MARCHF1: variants seen among roughly 807,000 people sequenced by gnomAD.
The protein encoded by MARCHF1 is E3 ubiquitin-protein ligase MARCHF1.
MARCHF1 carries 40 observed loss-of-function variants against 54.2 expected under a neutral mutation model. That is an observed-to-expected ratio of 0.74 (90% CI 0.57 to 0.96). The LOEUF is 0.96. Ranked by LOEUF, MARCHF1 falls within the 40% of genes least tolerant of loss-of-function variation. The pLI, the probability that MARCHF1 is intolerant of heterozygous loss-of-function variation, is 0.00. For synonymous variants in MARCHF1, 236 were observed against 236.3 expected, an observed-to-expected ratio of 1.00 and a Z score of 0.01; for missense variants, 586 against 656.5, an observed-to-expected ratio of 0.89 and a Z score of 1.17.
chr4:164,215,204 T>C (rs6536805), intron 1 of MARCHF1, among the ~76,000 whole-genome samples: 114,987 of 152,130 alleles, frequency 0.76, 44,114 homozygotes, highest in African/African-American at 0.87. Context: ...GTGGAAGTAG[T>C]TCTCAGCAGA....
At chr4:163,959,189 T>C (rs868776907) in intron 3 of MARCHF1, among the ~76,000 whole-genome samples, 1 of 151,904 alleles carries the variant, frequency 6.6e-6, no homozygotes, top group African/African-American at 2.4e-5. Context: ...AATACAATTA[T>C]GGGTGTTTTA....
rs192985648 is a variant in MARCHF1, at chr4:164,088,443, C to G, written c.-248+23145G>C. ...GGCTCAGAAAGCATCTGTTTAAAAT[C>G]TATAAATCCAATGGCCAGGTGTGGC... On this transcript the variant is annotated intron_variant, in intron 2 of 9. Transcript: ENST00000514618. Among the ~76,000 whole-genome samples, 62 of 152,260 alleles carry G rather than the reference C, an allele frequency of 4.1e-4. No homozygotes were observed. The East Asian group carries it at 7.9e-3, about 19-fold the overall frequency.
rs192170007 is a variant in MARCHF1 at position 163,973,525 on chromosome 4, A to G, written c.-39+14976T>C. 7.9e-5 allele frequency among the ~76,000 whole-genome samples: 12 copies of G among 152,290 alleles called. No individual in the cohort carries two copies. The East Asian group carries it at 2.3e-3, about 29-fold the overall frequency. The stretch of plus-strand genomic sequence containing the variant: ...CTTGCATTATTTTTTAACTCTTCCC[A>G]TTGGCCAAAGCAAGTCACATAGCCA... On this transcript the variant is annotated intron_variant, in intron 3 of 9. Coordinates refer to ENST00000514618, the MANE Select transcript of MARCHF1 (RefSeq NM_001394959.1).
intron 1 of MARCHF1, among the ~76,000 whole-genome samples, chr4:164,170,601 C>A (rs7674052): frequency 0.19 from 28,768 of 151,850 alleles, 4,374 homozygotes; most frequent in African/African-American, 0.41. Context: ...CTCAAAAAGC[C>A]AAGAGTCTGT....
At chr4:164,154,785 C>T (rs1463341689) in intron 1 of MARCHF1, among the ~76,000 whole-genome samples, 2 of 152,168 alleles carry the variant, frequency 1.3e-5, no homozygotes, top group Non-Finnish European at 2.9e-5. Flanking sequence ...TGCCTTTTTG[C>T]AAGGGCAGGG....
chr4:164,311,566 A>G (rs1734850301), intron 1 of MARCHF1, among the ~76,000 whole-genome samples: 1 of 152,192 alleles, frequency 6.6e-6, no homozygotes, highest in African/African-American at 2.4e-5. Flanking sequence ...AAATCTGTGT[A>G]GTTAGTTTCT....
chr4:163,999,744 CTACATATATATGTACATATAAATA>C (rs1444809579), intron 2 of MARCHF1, among the ~76,000 whole-genome samples: 3 of 151,326 alleles, frequency 2.0e-5, no homozygotes, highest in African/African-American at 7.3e-5. Flanking sequence ...AGTAAGCATT[CTACATATATATGTACATATAAATA>C]TACATATATA....
At chr4:163,753,472 C>T (rs779528483) in intron 4 of MARCHF1, among the ~76,000 whole-genome samples, 3 of 152,030 alleles carry the variant, frequency 2.0e-5, no homozygotes, top group Admixed American at 2.0e-4. Context: ...ATCACCACAG[C>T]TCCATTGTCA....
chr4:164,171,258 C>T (rs1047623970), intron 1 of MARCHF1, among the ~76,000 whole-genome samples: 1 of 151,924 alleles, frequency 6.6e-6, no homozygotes, highest in African/African-American at 2.4e-5. Flanking sequence ...TTGTAAATTC[C>T]ATCATCATAA....
At chr4:163,929,969 TATAA>T (rs1307706508) in intron 3 of MARCHF1, among the ~76,000 whole-genome samples, 4 of 118,832 alleles carry the variant, frequency 3.4e-5, no homozygotes, top group African/African-American at 1.3e-4. Flanking sequence ...ATATAATATA[TATAA>T]TATATATAAT....
intron 1 of MARCHF1, among the ~76,000 whole-genome samples, chr4:164,349,349 T>G (rs758629507): frequency 6.6e-6 from 1 of 152,216 alleles, no homozygotes; most frequent in African/African-American, 2.4e-5. Flanking sequence ...GCATTTTTAT[T>G]CCTCTCATCT....
intron 2 of MARCHF1, among the ~76,000 whole-genome samples, chr4:164,009,325 A>G (rs1368482558): frequency 3.3e-5 from 5 of 152,158 alleles, no homozygotes; most frequent in Admixed American, 3.3e-4. Flanking sequence ...CATTAAATAA[A>G]AGTCCAGGAC....
chr4:163,930,329 C>A (rs955162994), intron 3 of MARCHF1, among the ~76,000 whole-genome samples: 1 of 151,718 alleles, frequency 6.6e-6, no homozygotes, highest in Admixed American at 6.6e-5. Context: ...GAATAGGAAC[C>A]AACAGATCAT....
At chr4:164,195,381 G>A (rs1391337550) in intron 1 of MARCHF1, among the ~76,000 whole-genome samples, 1 of 152,104 alleles carries the variant, frequency 6.6e-6, no homozygotes, top group Non-Finnish European at 1.5e-5. Flanking sequence ...ACGTTAATGG[G>A]AAATGTGATA....
At chr4:163,979,985 A>G (rs1182359560) in intron 3 of MARCHF1, among the ~76,000 whole-genome samples, 1 of 152,022 alleles carries the variant, frequency 6.6e-6, no homozygotes, top group African/African-American at 2.4e-5. Flanking sequence ...CTGTTCACTA[A>G]TGACTTTCTT....
At chr4:163,811,651 G>A (rs1489237674) in intron 4 of MARCHF1, among the ~76,000 whole-genome samples, 1 of 152,138 alleles carries the variant, frequency 6.6e-6, no homozygotes, top group Non-Finnish European at 1.5e-5. Flanking sequence ...TTGAATTACA[G>A]ATAAAATAAA....
At chr4:163,871,460 AC>A (rs910182988) in intron 3 of MARCHF1, among the ~76,000 whole-genome samples, 6 of 151,964 alleles carry the variant, frequency 3.9e-5, no homozygotes, top group Admixed American at 3.3e-4. Flanking sequence ...CTTACTAAGT[AC>A]CCCCCCACTA....
intron 1 of MARCHF1, among the ~76,000 whole-genome samples, chr4:164,257,706 G>C (rs923712285): frequency 6.6e-6 from 1 of 151,894 alleles, no homozygotes; most frequent in Non-Finnish European, 1.5e-5. Context: ...GGCAGCTCAC[G>C]CCTGTAATCC....
chr4:164,129,714 G>A (rs1333657773), intron 1 of MARCHF1, among the ~76,000 whole-genome samples: 1 of 151,972 alleles, frequency 6.6e-6, no homozygotes, highest in Non-Finnish European at 1.5e-5. Flanking sequence ...AATTTTTTTA[G>A]TAATATTGTT....
Sources: allele counts gnomAD v4.1 joint callset (sites outside exome capture counted in the v4.1 genomes callset), GRCh38; gene constraint gnomAD v4.1.1; transcripts MANE v1.5; gene names NCBI Gene and HGNC (gene_info 2026-07-23, HGNC 2026-07-21).